GFRA1: variants seen among roughly 807,000 people sequenced by gnomAD.
GFRA1 encodes GDNF family receptor alpha-1.
GFRA1 carries 16 observed loss-of-function variants against 51.6 expected under a neutral mutation model. The ratio of observed to expected loss-of-function variants is 0.31; its 90% CI spans 0.21 to 0.47. The LOEUF (loss-of-function observed/expected upper bound fraction) is 0.47. GFRA1 is among the 20% of genes least tolerant of loss of function. GFRA1 has a pLI of 1.00. For missense variants in GFRA1, 530 were observed against 594.3 expected (o/e 0.89, Z 1.13); for synonymous variants, 270 against 241.3 (o/e 1.12, Z -1.10).
intron 9 of GFRA1, among the ~76,000 whole-genome samples, chr10:116,083,348 T>TATCA (rs773756733): frequency 2.6e-4 from 40 of 152,192 alleles, no homozygotes; most frequent in Non-Finnish European, 4.6e-4. Flanking sequence ...CCTCCCAGTC[T>TATCA]ATCATCCTGT....
chr10:116,057,139 T>G lies in GFRA1; in HGVS notation c.*7259A>C, dbSNP rs1384178754. 4.6e-5 allele frequency: 7 copies of G among 152,184 alleles called. No individual in the cohort carries two copies. The highest frequency in any genetic ancestry group is 3.9e-4 in the Admixed American group (6 of 15,276). 9.4% of individuals were successfully genotyped at this position (152,184 alleles called of 1,614,324 possible). On this transcript the variant is annotated 3_prime_UTR_variant, in exon 11 of 11. Coordinates refer to ENST00000355422, the MANE Select transcript of GFRA1 (RefSeq NM_005264.8). ...AATAAAGGCTGTTGCAAAACAGCTA[T>G]GTGAGGCAGCCATGTGGGAGTGACC...
At chr10:116,157,126 A>T (rs1959227667) in intron 5 of GFRA1, among the ~76,000 whole-genome samples, 1 of 152,334 alleles carries the variant, frequency 6.6e-6, no homozygotes. Flanking sequence ...TTTAAAGGAA[A>T]GGTTAATCCA....
chr10:116,243,354 G>A (rs1434063358), intron 4 of GFRA1, among the ~76,000 whole-genome samples: 4 of 152,096 alleles, frequency 2.6e-5, no homozygotes, highest in Non-Finnish European at 5.9e-5. Context: ...AATAACCCAA[G>A]AAGGCATGTA....
At chr10:116,103,558 T>A (rs1589791211) in intron 6 of GFRA1, among the ~76,000 whole-genome samples, 1 of 152,212 alleles carries the variant, frequency 6.6e-6, no homozygotes, top group African/African-American at 2.4e-5. Context: ...AAAGGCACTT[T>A]AAGAAAAGCT....
At position 116,166,780 on chromosome 10, in the gene GFRA1, C is replaced by CTTTTTTT. The variant is rs530399969; in HGVS notation, c.434-41230_434-41224dup. Among the ~76,000 whole-genome samples the CTTTTTTT allele has an allele frequency of 2.1e-4, 16 of 76,446 alleles. 1 individual carries two copies. Among genetic ancestry groups the CTTTTTTT allele is most frequent in the African/African-American group, 5.3e-4 (9 of 17,022 alleles). 50.2% of individuals were successfully genotyped at this position (76,446 alleles called of 152,430 possible). A position where few individuals can be genotyped will look rare whatever the true frequency, so the allele number is the denominator to read the frequency against. On this transcript the variant is annotated intron_variant, in intron 5 of 10. Transcript: ENST00000355422. The stretch of plus-strand genomic sequence containing the variant: ...TCCCTTGAAGGATAGCAACAATCTT[C>CTTTTTTT]TTTTTTTTTTTTTTTTTTTTTTTTT...
chr10:116,194,947 A>G (rs2134345922), intron 5 of GFRA1, among the ~76,000 whole-genome samples: 1 of 152,326 alleles, frequency 6.6e-6, no homozygotes, highest in African/African-American at 2.4e-5. Context: ...CAGGCAATAA[A>G]TGTTTTCAGC....
At chr10:116,190,681 C>T (rs1963172511) in intron 5 of GFRA1, among the ~76,000 whole-genome samples, 1 of 152,110 alleles carries the variant, frequency 6.6e-6, no homozygotes, top group Admixed American at 6.5e-5. Flanking sequence ...AAAGACATTT[C>T]AAGAGGTTCT....
Position 116,059,887 on chromosome 10 carries a change from T to A in GFRA1, c.*4511A>T, listed in dbSNP as rs553382949. The A allele has an allele frequency of 1.3e-5, 2 of 152,338 alleles. No individual in the cohort carries two copies. The highest frequency in any genetic ancestry group is 4.8e-5 in the African/African-American group (2 of 41,590). 9.4% of individuals were successfully genotyped at this position (152,338 alleles called of 1,614,324 possible). On this transcript the variant is annotated 3_prime_UTR_variant, in exon 11 of 11. Transcript: ENST00000355422. ...CTGGCTCCTGAGAGAGGCTTCTCTG[T>A]CTTAAAATATATCTGTTGGAACAAA...
intron 4 of GFRA1, among the ~76,000 whole-genome samples, chr10:116,213,489 C>A (rs1965350232): frequency 6.6e-6 from 1 of 152,152 alleles, no homozygotes; most frequent in Non-Finnish European, 1.5e-5. Context: ...TTCAGGGTCA[C>A]CTTTTTACAT....
At chr10:116,220,580 T>G (rs572594491) in intron 4 of GFRA1, among the ~76,000 whole-genome samples, 1 of 152,198 alleles carries the variant, frequency 6.6e-6, no homozygotes, top group Non-Finnish European at 1.5e-5. Flanking sequence ...TCAGGACAGC[T>G]CCCAGGAGTC....
chr10:116,124,969 C>T (rs1957792682), intron 6 of GFRA1, among the ~76,000 whole-genome samples: 1 of 152,168 alleles, frequency 6.6e-6, no homozygotes, highest in Non-Finnish European at 1.5e-5. Flanking sequence ...GGTATTTTAC[C>T]TCATTCCAGC....
At position 116,148,044 on chromosome 10, in the gene GFRA1, GTGTGTGCATGCA is replaced by G. The variant is rs1168748217; in HGVS notation, c.434-22499_434-22488del. On this transcript the variant is annotated intron_variant, in intron 5 of 10. Transcript: ENST00000355422. ...TGCGCGCATGCATGTGTGCATGTGC[GTGTGTGCATGCA>G]TGTGTGCATGCGTGTGTGCATGTGT... is the stretch of plus-strand genomic sequence containing the variant. 3.2e-3 allele frequency among the ~76,000 whole-genome samples: 216 copies of G among 67,214 alleles called. 5 individuals are homozygous for G. In the East Asian group the frequency reaches 0.088, roughly 27 times the overall value. The allele number at this position is 67,214 out of a possible 152,430, so 44.1% of individuals were successfully genotyped here. A position where few individuals can be genotyped will look rare whatever the true frequency, so the allele number is the denominator to read the frequency against.
chr10:116,123,217 G>A (rs1196094910), intron 6 of GFRA1, among the ~76,000 whole-genome samples: 1 of 152,194 alleles, frequency 6.6e-6, no homozygotes, highest in East Asian at 1.9e-4. Flanking sequence ...GACCCTTCTG[G>A]CACACCCATC....
chr10:116,271,983 G>A lies in GFRA1; in HGVS notation c.40+7C>T. Reference sequence around the variant, plus strand: ...GGTAAGAAAGCCCGCGGCGGGCCTCGACTTACCCAAGAGCGGCAGCGCGAA... The same window carrying A: ...GGTAAGAAAGCCCGCGGCGGGCCTCAACTTACCCAAGAGCGGCAGCGCGAA... On this transcript the variant is annotated splice_region_variant and intron_variant, in intron 2 of 10. Coordinates refer to ENST00000355422, the MANE Select transcript of GFRA1 (RefSeq NM_005264.8). The A allele has an allele frequency of 6.4e-7, 1 of 1,554,258 alleles. No homozygotes were observed.
chr10:116,242,485 ATT>A (rs971224838), intron 4 of GFRA1, among the ~76,000 whole-genome samples: 1 of 144,772 alleles, frequency 6.9e-6, no homozygotes, highest in Non-Finnish European at 1.5e-5. Flanking sequence ...CCATAAAAAC[ATT>A]TTTTTTTTTT....
At chr10:116,117,588 G>GATGGATGGATGGATGA (rs1407819791) in intron 6 of GFRA1, among the ~76,000 whole-genome samples, 1 of 151,378 alleles carries the variant, frequency 6.6e-6, no homozygotes. Flanking sequence ...TGGATGGATG[G>GATGGATGGATGGATGA]ATGGATGGAT....
At position 116,089,827 on chromosome 10, in the gene GFRA1, G is replaced by GGGCAGTGGTGGTAGT; in HGVS notation, c.1096_1110dup (p.Thr366_Ala370dup). The GGGCAGTGGTGGTAGT allele has an allele frequency of 1.9e-6, 3 of 1,614,080 alleles. No homozygotes were observed. Among genetic ancestry groups the GGGCAGTGGTGGTAGT allele is most frequent in the Non-Finnish European group, 2.5e-6 (3 of 1,179,944 alleles). ...CCCAGGGGCTTGTTCTTAACCCGGAGGGCAGTGGTGGTAGTGGCAGTGGTG... is the reference window on the plus strand; with the variant it reads ...CCCAGGGGCTTGTTCTTAACCCGGAGGGCAGTGGTGGTAGTGGCAGTGGTGGTAGTGGCAGTGGTG... On this transcript the variant is annotated inframe_insertion, in exon 9 of 11. Coordinates refer to ENST00000355422, the MANE Select transcript of GFRA1 (RefSeq NM_005264.8).
chr10:116,199,906 C>T lies in GFRA1; in HGVS notation c.433+11725G>A, dbSNP rs186556158. Among the ~76,000 whole-genome samples the T allele has an allele frequency of 9.8e-5, 15 of 152,300 alleles. No homozygotes were observed. In the East Asian group the frequency reaches 1.2e-3, roughly 12 times the overall value. On this transcript the variant is annotated intron_variant, in intron 5 of 10. Coordinates refer to ENST00000355422, the MANE Select transcript of GFRA1 (RefSeq NM_005264.8). ...CTACTTTCATTTCCCCAGAAGGAAA[C>T]GATGTTGAGTTCTTTTCCATCATAT...
chr10:116,190,558 C>T (rs1963160230), intron 5 of GFRA1, among the ~76,000 whole-genome samples: 1 of 152,170 alleles, frequency 6.6e-6, no homozygotes, highest in African/African-American at 2.4e-5. Context: ...TCCCACCCTC[C>T]ACTCCATCTC....
Sources: gnomAD v4.1 joint callset for allele counts (sites outside exome capture counted in the v4.1 genomes callset) on GRCh38, gnomAD v4.1.1 for gene constraint, MANE v1.5 for transcripts, NCBI Gene and HGNC (gene_info 2026-07-23, HGNC 2026-07-21) for gene names.